DCC: variants seen among roughly 807,000 people sequenced by gnomAD.
DCC encodes DCC netrin 1 receptor.
A neutral mutation model predicts 172.5 loss-of-function variants in DCC; 58 were observed. The ratio of observed to expected loss-of-function variants is 0.34; its 90% confidence interval spans 0.27 to 0.42. The LOEUF (loss-of-function observed/expected upper bound fraction) is 0.42. Among genes scored for constraint, DCC ranks in the 10% least tolerant of loss-of-function variants. The pLI is 1.00. For missense variants in DCC, 1,740 were observed against 1,791.0 expected (o/e 0.97, Z 0.51); for synonymous variants, 709 against 644.5 (o/e 1.10, Z -1.52).
intron 1 of DCC, among the ~76,000 whole-genome samples, chr18:52,519,603 T>C (rs1340689615): frequency 6.6e-6 from 1 of 152,024 alleles, no homozygotes; most frequent in East Asian, 1.9e-4. Flanking sequence ...TTAAAAGAAA[T>C]GGAAGGAATT....
chr18:53,252,629 T>C (rs1052779135), intron 12 of DCC, among the ~76,000 whole-genome samples: 2 of 151,870 alleles, frequency 1.3e-5, no homozygotes, highest in Non-Finnish European at 2.9e-5. Context: ...TCACCAAGCA[T>C]CTTTCTTGTT....
At chr18:52,869,121 G>C (rs1479236614) in intron 2 of DCC, among the ~76,000 whole-genome samples, 1 of 152,252 alleles carries the variant, frequency 6.6e-6, no homozygotes, top group East Asian at 1.9e-4. Context: ...TGGCAAATGG[G>C]TCATATTTCA....
chr18:53,353,511 G>A (rs989087250), intron 15 of DCC, among the ~76,000 whole-genome samples: 2 of 147,210 alleles, frequency 1.4e-5, no homozygotes, highest in East Asian at 4.1e-4. Context: ...TGTTATTTTA[G>A]ATATTTAACT....
chr18:52,370,169 C>T lies in DCC; in HGVS notation c.91+29291C>T, dbSNP rs113780985. On this transcript the variant is annotated intron_variant, in intron 1 of 28. Transcript: ENST00000442544. The stretch of plus-strand genomic sequence containing the variant: ...TATCTCATTGTGGAAGACAGTGTGG[C>T]GATTCCTCGAAGATCTAGAAGAAGA... 9.2e-4 allele frequency among the ~76,000 whole-genome samples: 140 copies of T among 152,156 alleles called. 1 individual carries two copies. The highest frequency in any genetic ancestry group is 3.2e-3 in the African/African-American group (132 of 41,504).
chr18:52,371,076 T>C (rs2060125), intron 1 of DCC, among the ~76,000 whole-genome samples: 79,703 of 152,024 alleles, frequency 0.52, 23,113 homozygotes, highest in African/African-American at 0.77. Context: ...GGGGACAGGC[T>C]ACTTTCTCCC....
intron 2 of DCC, among the ~76,000 whole-genome samples, chr18:52,802,045 A>G (rs746343133): frequency 2.5e-4 from 38 of 151,110 alleles, no homozygotes; most frequent in Non-Finnish European, 5.0e-4. Flanking sequence ...TTTTATCAAC[A>G]TCCCTCTGAG....
intron 2 of DCC, among the ~76,000 whole-genome samples, chr18:52,803,041 G>C (rs747676641): frequency 6.6e-6 from 1 of 152,124 alleles, no homozygotes; most frequent in African/African-American, 2.4e-5. Flanking sequence ...TGAATAATCT[G>C]TCTGAAGTGG....
At chr18:52,895,055 G>A (rs1204687886) in intron 2 of DCC, among the ~76,000 whole-genome samples, 5 of 152,172 alleles carry the variant, frequency 3.3e-5, no homozygotes, top group Non-Finnish European at 7.3e-5. Context: ...AGTGCAGGTA[G>A]GGGTGCATGG....
At chr18:52,862,749 A>C (rs1053388011) in intron 2 of DCC, among the ~76,000 whole-genome samples, 1 of 150,804 alleles carries the variant, frequency 6.6e-6, no homozygotes, top group African/African-American at 2.5e-5. Context: ...AATCAAAAAC[A>C]CTTACTCTTT....
intron 5 of DCC, among the ~76,000 whole-genome samples, chr18:53,005,010 C>T (rs987943127): frequency 6.6e-6 from 1 of 152,116 alleles, no homozygotes. Context: ...TTTGTTATAA[C>T]AGTGAATTTA....
intron 26 of DCC, among the ~76,000 whole-genome samples, chr18:53,487,881 A>G (rs996913576): frequency 3.3e-5 from 5 of 152,118 alleles, no homozygotes; most frequent in Admixed American, 1.3e-4. Flanking sequence ...CATTGAAGGG[A>G]ATTAAATAGG....
At chr18:53,173,474 C>T (rs1472130960) in intron 8 of DCC, among the ~76,000 whole-genome samples, 1 of 152,048 alleles carries the variant, frequency 6.6e-6, no homozygotes, top group Non-Finnish European at 1.5e-5. Context: ...CACCATCTGT[C>T]CACAGAATTT....
chr18:52,398,073 T>C (rs1397089753), intron 1 of DCC, among the ~76,000 whole-genome samples: 1 of 151,992 alleles, frequency 6.6e-6, no homozygotes, highest in African/African-American at 2.4e-5. Flanking sequence ...AATTGCTATT[T>C]AACTCTTTAA....
chr18:53,530,917 C>A lies in DCC; in HGVS notation c.*264C>A. On this transcript the variant is annotated 3_prime_UTR_variant, in exon 29 of 29. Transcript: ENST00000442544. ...CACTGCAATGTCAAAGTTTAAGCTG[C>A]TAGAATAGTCATGGGCCTTTGTCAC... is the stretch of plus-strand genomic sequence containing the variant. 1.8e-6 allele frequency: 1 copy of A among 564,840 alleles called. No homozygotes were observed. Among genetic ancestry groups the A allele is most frequent in the Admixed American group, 2.8e-5 (1 of 35,308 alleles). 35.0% of individuals were successfully genotyped at this position (564,840 alleles called of 1,614,324 possible). A position where few individuals can be genotyped will look rare whatever the true frequency, so the allele number is the denominator to read the frequency against.
At position 53,455,844 on chromosome 18, in the gene DCC, T is replaced by C. The variant is rs1200121101; in HGVS notation, c.3393-3388T>C. 2.0e-5 allele frequency among the ~76,000 whole-genome samples: 3 copies of C among 152,362 alleles called. 1 individual carries two copies. The South Asian group carries it at 6.2e-4, about 32-fold the overall frequency. On this transcript the variant is annotated intron_variant, in intron 23 of 28. Transcript: ENST00000442544. Reference sequence around the variant, plus strand: ...GCAGAAATTCCCAGGAGCCATGCCATGTTACAATCATTTTTTAAGCTTTCA... The same window carrying C: ...GCAGAAATTCCCAGGAGCCATGCCACGTTACAATCATTTTTTAAGCTTTCA...
chr18:53,260,947 TC>T (rs1365205756), intron 12 of DCC, among the ~76,000 whole-genome samples: 1 of 152,122 alleles, frequency 6.6e-6, no homozygotes, highest in Non-Finnish European at 1.5e-5. Context: ...CAGTTTGATA[TC>T]AGACTGCTGT....
chr18:53,250,937 C>T (rs1339053009), intron 12 of DCC, among the ~76,000 whole-genome samples: 1 of 151,922 alleles, frequency 6.6e-6, no homozygotes, highest in African/African-American at 2.4e-5. Context: ...CTATGCTGTT[C>T]TTTCCGAACA....
intron 5 of DCC, among the ~76,000 whole-genome samples, chr18:52,927,079 G>GTATATATACATATATACGTGTA (rs1555682800): frequency 9.2e-6 from 1 of 108,166 alleles, no homozygotes; most frequent in Non-Finnish European, 2.0e-5. Flanking sequence ...ACATATATGT[G>GTATATATACATATATACGTGTA]TATATACACG....
At chr18:53,180,162 G>A (rs190639918) in intron 9 of DCC, among the ~76,000 whole-genome samples, 1 of 152,288 alleles carries the variant, frequency 6.6e-6, no homozygotes, top group East Asian at 1.9e-4. Context: ...AGTCGAAGAA[G>A]AGAGAGCAGG....
Sources: gnomAD v4.1 joint callset for allele counts (sites outside exome capture counted in the v4.1 genomes callset) on GRCh38, gnomAD v4.1.1 for gene constraint, MANE v1.5 for transcripts, NCBI Gene and HGNC (gene_info 2026-07-23, HGNC 2026-07-21) for gene names.